Variants in CFH observed in about 807,000 individuals in gnomAD.
CFH encodes the protein complement factor H, also known as H factor 1 (complement).
Under a neutral mutation model 147.3 loss-of-function variants are expected in CFH, and 53 were observed. That is an observed-to-expected ratio of 0.36 (90% CI 0.29 to 0.45). The LOEUF is 0.45. Ranked by LOEUF, CFH falls within the 20% of genes least tolerant of loss-of-function variation. CFH has a pLI of 1.00. For synonymous variants in CFH, 536 were observed against 489.4 expected, an observed-to-expected ratio of 1.10 and a Z score of -1.26; for missense variants, 1,380 against 1,498.0, an observed-to-expected ratio of 0.92 and a Z score of 1.30.
chr1:196,735,004 T>C (rs1669368240), intron 15 of CFH, among the ~76,000 whole-genome samples: 2 of 152,150 alleles, frequency 1.3e-5, no homozygotes, highest in Non-Finnish European at 1.5e-5. Flanking sequence ...AATGAAAACA[T>C]GGTCATAAAC....
At chr1:196,701,905 G>T (rs1017436332) in intron 9 of CFH, among the ~76,000 whole-genome samples, 11 of 152,078 alleles carry the variant, frequency 7.2e-5, no homozygotes, top group Non-Finnish European at 1.5e-4. Flanking sequence ...ATACCCACTG[G>T]ATTTCGGAGA....
At chr1:196,677,418 A>AT in intron 4 of CFH, 58 bp from the exon 5 acceptor site, 1 of 1,504,066 alleles carries the variant, frequency 6.6e-7, no homozygotes, top group Non-Finnish European at 9.2e-7. Context: ...ACATACACAT[A>AT]TTTTTCACAA....
intron 15 of CFH, among the ~76,000 whole-genome samples, chr1:196,736,298 A>G (rs1669399689): frequency 6.6e-6 from 1 of 152,084 alleles, no homozygotes; most frequent in African/African-American, 2.4e-5. Context: ...ATAAATCACT[A>G]GTGATTATAT....
intron 9 of CFH, among the ~76,000 whole-genome samples, chr1:196,697,393 A>G (rs1089034): frequency 0.043 from 6,583 of 152,312 alleles, 444 homozygotes; most frequent in African/African-American, 0.14. Flanking sequence ...CAGCCAAAAG[A>G]CACATGAAAA....
intron 15 of CFH, among the ~76,000 whole-genome samples, chr1:196,735,196 T>C (rs78843717): frequency 0.015 from 2,222 of 152,182 alleles, 59 homozygotes; most frequent in African/African-American, 0.05. Context: ...TGTCTGTTGA[T>C]GATTAATTAT....
At chr1:196,674,038 G>T in intron 3 of CFH, 76 bp downstream of exon 3, 1 of 1,024,128 alleles carries the variant, frequency 9.8e-7, no homozygotes, top group Non-Finnish European at 1.5e-6. Context: ...TATTTTTAAG[G>T]TTATTATATT....
chr1:196,690,581 C>T (rs1343242328), intron 9 of CFH, among the ~76,000 whole-genome samples: 1 of 151,950 alleles, frequency 6.6e-6, no homozygotes, highest in Non-Finnish European at 1.5e-5. Context: ...AGATTAAGGA[C>T]GTGGACACAC....
intron 1 of CFH, among the ~76,000 whole-genome samples, chr1:196,661,504 G>A (rs1271762783): frequency 1.3e-5 from 2 of 152,166 alleles, no homozygotes; most frequent in Non-Finnish European, 2.9e-5. Flanking sequence ...TCTGCTCTCT[G>A]GTTCATAGAC....
At chr1:196,701,267 A>G in intron 9 of CFH, 1 of 1,613,132 alleles carries the variant, frequency 6.2e-7, no homozygotes, top group Non-Finnish European at 8.5e-7. Flanking sequence ...TGCTAGTGGA[A>G]TCTCAGCAAG....
At chr1:196,727,358 G>A (rs1669170351) in intron 14 of CFH, among the ~76,000 whole-genome samples, 2 of 152,002 alleles carry the variant, frequency 1.3e-5, no homozygotes, top group South Asian at 2.1e-4. Context: ...TTTGTAATTA[G>A]TTAAGGTGTG....
rs539061947 is a variant in CFH, at chr1:196,684,921, G to C, written c.791-143G>C. The C allele has an allele frequency of 1.2e-4, 79 of 669,876 alleles. 1 individual carries two copies. Among genetic ancestry groups the C allele is most frequent in the Middle Eastern group, 4.2e-4 (1 of 2,406 alleles). 41.5% of individuals were successfully genotyped at this position (669,876 alleles called of 1,614,324 possible). A position where few individuals can be genotyped will look rare whatever the true frequency, so the allele number is the denominator to read the frequency against. On this transcript the variant is annotated intron_variant, in intron 6 of 21. Transcript: ENST00000367429. ...GAAAAATAAGTGATATACCAGAAAG[G>C]ATACTATGATATGTTCATTTTAATG...
chr1:196,658,481 G>A lies in CFH; in HGVS notation c.58+6306G>A, dbSNP rs1424970252. 2.1e-5 allele frequency among the ~76,000 whole-genome samples: 3 copies of A among 141,834 alleles called. No individual in the cohort carries two copies. In the Admixed American group the frequency reaches 2.2e-4, roughly 10 times the overall value. The allele number at this position is 141,834 out of a possible 152,430, so 93.0% of individuals were successfully genotyped here. On this transcript the variant is annotated intron_variant, in intron 1 of 21. Transcript: ENST00000367429. ...GGCTGGAGTGCAGTGTCGCTATCTC[G>A]GCTCACTGCAAGCTCCGCCTCCCGG...
At chr1:196,744,102 A>G (rs1347741452) in intron 20 of CFH, among the ~76,000 whole-genome samples, 2 of 152,144 alleles carry the variant, frequency 1.3e-5, no homozygotes, top group African/African-American at 4.8e-5. Context: ...ATATAAAGAG[A>G]TGAAATAAGG....
Position 196,746,007 on chromosome 1 carries a change from C to A in CFH, c.3493+8C>A. On this transcript the variant is annotated splice_region_variant and intron_variant, in intron 21 of 21. Coordinates refer to ENST00000367429, the MANE Select transcript of CFH (RefSeq NM_000186.4). ...AACCACCAAAATGCTTACGTAAGTA[C>A]TTTAATATTCACGTGGCTGGAAAAA... 1 of 1,614,126 alleles carries A rather than the reference C, an allele frequency of 6.2e-7. No individual in the cohort carries two copies. Among genetic ancestry groups the A allele is most frequent in the Non-Finnish European group, 8.5e-7 (1 of 1,180,006 alleles).
At chr1:196,656,814 G>C (rs905730873) in intron 1 of CFH, among the ~76,000 whole-genome samples, 1 of 151,478 alleles carries the variant, frequency 6.6e-6, no homozygotes, top group African/African-American at 2.4e-5. Context: ...TTTCAAGAAA[G>C]TTGTGGAATT....
At chr1:196,698,806 C>A (rs976965022) in intron 9 of CFH, among the ~76,000 whole-genome samples, 2 of 152,138 alleles carry the variant, frequency 1.3e-5, no homozygotes, top group East Asian at 3.9e-4. Context: ...CCCTGATGAA[C>A]ATCAATGCGA....
At chr1:196,698,092 C>T (rs1169740296) in intron 9 of CFH, among the ~76,000 whole-genome samples, 1 of 151,892 alleles carries the variant, frequency 6.6e-6, no homozygotes, top group Non-Finnish European at 1.5e-5. Flanking sequence ...CACCATGGCA[C>T]ATGTATACAT....
At chr1:196,688,060 A>G (rs971394638) in intron 7 of CFH, among the ~76,000 whole-genome samples, 3 of 151,878 alleles carry the variant, frequency 2.0e-5, no homozygotes, top group African/African-American at 7.2e-5. Flanking sequence ...GAGATGTAAA[A>G]GAATATTTAT....
intron 1 of CFH, among the ~76,000 whole-genome samples, chr1:196,658,049 G>GC (rs1558148486): frequency 6.6e-6 from 1 of 151,902 alleles, no homozygotes; most frequent in East Asian, 1.9e-4. Context: ...TGTCAATAAT[G>GC]CCCCCTTAAA....
Sources: allele counts gnomAD v4.1 joint callset (sites outside exome capture counted in the v4.1 genomes callset), GRCh38; gene constraint gnomAD v4.1.1; transcripts MANE v1.5; gene names NCBI Gene and HGNC (gene_info 2026-07-23, HGNC 2026-07-21).